PTPN1: variants seen among roughly 807,000 people sequenced by gnomAD.
PTPN1 encodes tyrosine-protein phosphatase non-receptor type 1.
A neutral mutation model predicts 59.9 loss-of-function variants in PTPN1; 12 were observed. The ratio of observed to expected loss-of-function variants is 0.20; its 90% CI spans 0.13 to 0.32. The LOEUF (loss-of-function observed/expected upper bound fraction) is 0.32. PTPN1 is among the 10% of genes least tolerant of loss of function. The pLI is 1.00. For synonymous variants in PTPN1, 178 were observed against 203.6 expected, an observed-to-expected ratio of 0.87 and a Z score of 1.07; for missense variants, 356 against 549.2, an observed-to-expected ratio of 0.65 and a Z score of 3.52.
At chr20:50,561,559 AG>A in intron 2 of PTPN1, 106 bp downstream of exon 2, 1 of 661,570 alleles carries the variant, frequency 1.5e-6, no homozygotes, top group Non-Finnish European at 2.5e-6. Context: ...AAATCAATGT[AG>A]CAGAGGTTTA....
intron 4 of PTPN1, among the ~76,000 whole-genome samples, chr20:50,570,821 G>A (rs913105152): frequency 6.6e-6 from 1 of 152,210 alleles, no homozygotes; most frequent in Non-Finnish European, 1.5e-5. Flanking sequence ...CTCCCCAGAT[G>A]TGGCAGTCAG....
Position 50,579,698 on chromosome 20 carries a change from T to C in PTPN1, c.865-5T>C, listed in dbSNP as rs755511982. The C allele has an allele frequency of 5.0e-6, 8 of 1,610,236 alleles. No individual in the cohort carries two copies. Among genetic ancestry groups the C allele is most frequent in the Non-Finnish European group, 6.8e-6 (8 of 1,178,168 alleles). On this transcript the variant is annotated splice_region_variant and splice_polypyrimidine_tract_variant and intron_variant, in intron 7 of 9. Transcript: ENST00000371621. ...AATAGGACTTCCTCTTGCTGCTCTT[T>C]CAAGGATCAGTGGAAGGAGCTTTCC...
intron 1 of PTPN1, among the ~76,000 whole-genome samples, chr20:50,541,396 G>A (rs1037148919): frequency 2.6e-5 from 4 of 152,198 alleles, no homozygotes; most frequent in African/African-American, 7.2e-5. Context: ...AGAGCCCAAT[G>A]TCTGCATAAT....
At chr20:50,571,403 T>C (rs1430906215) in intron 4 of PTPN1, 1 of 152,268 alleles carries the variant, frequency 6.6e-6, no homozygotes, top group Admixed American at 6.5e-5. Context: ...TAAAGTTTCT[T>C]TGGGATCAAC....
chr20:50,580,939 A>G (rs534700460), intron 8 of PTPN1, among the ~76,000 whole-genome samples: 2 of 152,326 alleles, frequency 1.3e-5, no homozygotes, highest in South Asian at 4.1e-4. Context: ...AAGGCAAATC[A>G]TACAGTAGTG....
In PTPN1 at chr20:50,561,352, C is replaced by A; in HGVS notation, c.64-11C>A. 1 of 1,596,120 alleles carries A rather than the reference C, an allele frequency of 6.3e-7. No individual in the cohort carries two copies. Among genetic ancestry groups the A allele is most frequent in the Non-Finnish European group, 8.5e-7 (1 of 1,169,846 alleles). On this transcript the variant is annotated splice_polypyrimidine_tract_variant and intron_variant, in intron 1 of 9. Coordinates refer to ENST00000371621, the MANE Select transcript of PTPN1 (RefSeq NM_002827.4). ...TGACGGTCAGTTAAATGTCTTTATT[C>A]TTTTTTGTAGGATATCCGACATGAA...
rs1354395043 is a variant in PTPN1 at position 50,582,199 on chromosome 20, C to T, written c.1285-493C>T. Among the ~76,000 whole-genome samples the T allele has an allele frequency of 1.3e-5, 2 of 152,248 alleles. No individual in the cohort carries two copies. Among genetic ancestry groups the T allele is most frequent in the Non-Finnish European group, 2.9e-5 (2 of 68,044 alleles). On this transcript the variant is annotated intron_variant, in intron 9 of 9. Coordinates refer to ENST00000371621, the MANE Select transcript of PTPN1 (RefSeq NM_002827.4). The surrounding 1 kb of genome is among the most constrained non-coding windows in gnomAD (Gnocchi z 4.2). ...ACAGCCATCTTGCTCATGTACCAGC[C>T]CTCATCACCCCATCCCCATAAATGG...
At chr20:50,581,658 C>T (rs2082869443) in intron 9 of PTPN1, among the ~76,000 whole-genome samples, 198 bp downstream of exon 9, 1 of 152,084 alleles carries the variant, frequency 6.6e-6, no homozygotes, top group African/African-American at 2.4e-5. Flanking sequence ...TTAAGGAGCC[C>T]TCTGGTCCCA....
intron 1 of PTPN1, among the ~76,000 whole-genome samples, chr20:50,529,463 C>A (rs2082591262): frequency 6.6e-6 from 1 of 152,158 alleles, no homozygotes; most frequent in Non-Finnish European, 1.5e-5. Flanking sequence ...AAAGTTAGAT[C>A]ATTTTTCCTA....
chr20:50,518,655 G>A (rs2082538972), intron 1 of PTPN1, among the ~76,000 whole-genome samples: 1 of 151,968 alleles, frequency 6.6e-6, no homozygotes, highest in Non-Finnish European at 1.5e-5. Context: ...GTTTTGCTTT[G>A]TTGTTTTTAC....
rs140753423 is a variant in PTPN1, at chr20:50,547,989, T to A, written c.64-13374T>A. Among the ~76,000 whole-genome samples the A allele has an allele frequency of 4.4e-3, 670 of 152,342 alleles. 6 individuals carry two copies. Among genetic ancestry groups the A allele is most frequent in the Middle Eastern group, 0.02 (6 of 294 alleles). On this transcript the variant is annotated intron_variant, in intron 1 of 9. Transcript: ENST00000371621. ...ATTAAGTAAATGACCATGTTAATGC[T>A]CTATTAAGCTTCCAAACAATATTGT... is the stretch of plus-strand genomic sequence containing the variant.
intron 5 of PTPN1, among the ~76,000 whole-genome samples, chr20:50,576,651 G>A (rs550525603): frequency 6.6e-6 from 1 of 151,862 alleles, no homozygotes; most frequent in African/African-American, 2.4e-5. Flanking sequence ...GGTGGTTCAC[G>A]AGGCCAGGGG....
intron 5 of PTPN1, among the ~76,000 whole-genome samples, chr20:50,575,950 A>AGTAGAAGTAAGATCTAGAAT (rs1160506426): frequency 2.0e-5 from 3 of 152,154 alleles, no homozygotes; most frequent in Non-Finnish European, 2.9e-5. Context: ...TAAAAAAAAT[A>AGTAGAAGTAAGATCTAGAAT]GTAGAAGTAA....
chr20:50,569,631 G>C (rs1451719248), intron 4 of PTPN1, among the ~76,000 whole-genome samples: 1 of 150,544 alleles, frequency 6.6e-6, no homozygotes, highest in African/African-American at 2.4e-5. Flanking sequence ...TGTGTAGACT[G>C]TCCTGTGTAG....
intron 1 of PTPN1, among the ~76,000 whole-genome samples, chr20:50,547,628 C>T (rs1601400906): frequency 6.6e-6 from 1 of 152,186 alleles, no homozygotes; most frequent in Non-Finnish European, 1.5e-5. Context: ...TCCCAAAGTG[C>T]TGGGATTACA....
chr20:50,565,070 G>C lies in PTPN1; in HGVS notation c.255+1G>C. On this transcript the variant is annotated splice_donor_variant, in intron 3 of 9. Transcript: ENST00000371621. LOFTEE classifies it high-confidence loss of function. Reference sequence around the variant, plus strand: ...CCAAAGGAGTTACATTCTTACCCAGGTAAGCAGATTGTCTGAATTTTCTAT... The same window carrying C: ...CCAAAGGAGTTACATTCTTACCCAGCTAAGCAGATTGTCTGAATTTTCTAT... 6.2e-7 allele frequency: 1 copy of C among 1,606,698 alleles called. No homozygotes were observed. Among genetic ancestry groups the C allele is most frequent in the Non-Finnish European group, 8.5e-7 (1 of 1,177,930 alleles).
At chr20:50,541,668 C>T (rs575330749) in intron 1 of PTPN1, among the ~76,000 whole-genome samples, 42 of 152,306 alleles carry the variant, frequency 2.8e-4, no homozygotes, top group African/African-American at 8.2e-4. Context: ...CAGAGTGACA[C>T]AAGCAGCAGG....
Position 50,579,729 on chromosome 20 carries a change from G to A in PTPN1, c.891G>A (p.Glu297=), listed in dbSNP as rs1307415574. The part of the protein sequence containing the change: ...VQDQWKELSH[E]DLEPPPEHIP... Reference sequence around the variant, plus strand: ...ATCAGTGGAAGGAGCTTTCCCACGAGGACCTGGAGCCCCCACCCGAGCATA... The same window carrying A: ...ATCAGTGGAAGGAGCTTTCCCACGAAGACCTGGAGCCCCCACCCGAGCATA... Residue 297 remains glutamate (E), a synonymous_variant, in exon 8 of 10, where the codon GAG becomes GAA. Transcript: ENST00000371621. 2 of 1,612,524 alleles carry A rather than the reference G, an allele frequency of 1.2e-6. No homozygotes were observed. The highest frequency in any genetic ancestry group is 4.5e-5 in the East Asian group (2 of 44,896).
intron 1 of PTPN1, among the ~76,000 whole-genome samples, chr20:50,539,377 C>A (rs956476496): frequency 2.0e-5 from 3 of 152,144 alleles, no homozygotes; most frequent in African/African-American, 7.2e-5. Context: ...GCACTAGATT[C>A]CTCAGGAAGG....
Sources: gnomAD v4.1 joint callset for allele counts (sites outside exome capture counted in the v4.1 genomes callset) on GRCh38, gnomAD v4.1.1 for gene constraint, Gnocchi (gnomAD v3.1) non-coding constraint, MANE v1.5 for transcripts, NCBI Gene and HGNC (gene_info 2026-07-23, HGNC 2026-07-21) for gene names.